VDAC2: variants seen among roughly 807,000 people sequenced by gnomAD.
The protein encoded by VDAC2 is voltage dependent anion channel 2.
VDAC2 carries 6 observed loss-of-function variants against 36.6 expected under a neutral mutation model. The ratio of observed to expected loss-of-function variants is 0.16; its 90% CI spans 0.09 to 0.32. The LOEUF (loss-of-function observed/expected upper bound fraction) is 0.32. Ranked by LOEUF, VDAC2 falls within the 10% of genes least tolerant of loss-of-function variation. The pLI is 1.00. For missense variants in VDAC2, 247 were observed against 346.0 expected (o/e 0.71, Z 2.27); for synonymous variants, 109 against 123.8 (o/e 0.88, Z 0.79).
At chr10:75,212,375 A>G (rs966512866) in intron 3 of VDAC2, 77 bp downstream of exon 3, 94 of 1,235,220 alleles carry the variant, frequency 7.6e-5, no homozygotes, top group Admixed American at 2.9e-4. Context: ...AATCAGATCA[A>G]TCATTGCAAA....
In VDAC2 at chr10:75,230,944, T is replaced by C; in HGVS notation, c.840T>C (p.Asn280=). ...CTCTGGTAGATGGGAAGAGCATTAA[T>C]GCTGGAGGCCACAAGGTTGGGCTCG... ...LSALVDGKSI[N]AGGHKVGLAL... Residue 280 remains asparagine (N), a synonymous_variant, in exon 10 of 10, where the codon AAT becomes AAC. Coordinates refer to ENST00000332211, the MANE Select transcript of VDAC2 (RefSeq NM_001391963.1). 14 of 1,613,496 alleles carry C rather than the reference T, an allele frequency of 8.7e-6. No individual in the cohort carries two copies. Among genetic ancestry groups the C allele is most frequent in the Non-Finnish European group, 9.3e-6 (11 of 1,179,806 alleles).
intron 8 of VDAC2, among the ~76,000 whole-genome samples, chr10:75,228,496 C>T (rs566317357): frequency 1.3e-5 from 2 of 151,866 alleles, no homozygotes; most frequent in Non-Finnish European, 2.9e-5. Context: ...CTCAAGTGGT[C>T]CTCCCGCCTT....
chr10:75,228,485 G>T (rs1842021825), intron 8 of VDAC2, among the ~76,000 whole-genome samples: 1 of 151,722 alleles, frequency 6.6e-6, no homozygotes, highest in Non-Finnish European at 1.5e-5. Flanking sequence ...GAATTCCTGG[G>T]CTCAAGTGGT....
At chr10:75,211,112 G>T in intron 1 of VDAC2, 22 bp from the exon 2 acceptor site, 2 of 1,596,018 alleles carry the variant, frequency 1.3e-6, no homozygotes, top group Non-Finnish European at 1.7e-6. Context: ...CCAGCTTACC[G>T]CACTTCTTGT....
At chr10:75,218,727 AC>A (rs1841690088) in intron 4 of VDAC2, among the ~76,000 whole-genome samples, 1 of 151,402 alleles carries the variant, frequency 6.6e-6, no homozygotes, top group African/African-American at 2.4e-5. Context: ...ACGCCACTGC[AC>A]TCCAGCCTGG....
chr10:75,217,646 G>A (rs1841647745), intron 4 of VDAC2, among the ~76,000 whole-genome samples: 1 of 152,110 alleles, frequency 6.6e-6, no homozygotes, highest in Non-Finnish European at 1.5e-5. Flanking sequence ...CTGAAGTGCT[G>A]GGATTACAGG....
chr10:75,217,073 T>C (rs1012938987), intron 4 of VDAC2, among the ~76,000 whole-genome samples: 16 of 151,910 alleles, frequency 1.1e-4, no homozygotes, highest in African/African-American at 3.1e-4. Flanking sequence ...CTGGGCAACA[T>C]AGTGAGACCC....
In VDAC2 at chr10:75,214,204, C is replaced by T. The variant is rs16932126; in HGVS notation, c.150+134C>T. The T allele has an allele frequency of 5.8e-3, 5,024 of 867,256 alleles. 185 individuals carry two copies. The African/African-American group carries it at 0.076, about 13-fold the overall frequency. The allele number at this position is 867,256 out of a possible 1,614,324, so 53.7% of individuals were successfully genotyped here. On this transcript the variant is annotated intron_variant, in intron 4 of 9. Coordinates refer to ENST00000332211, the MANE Select transcript of VDAC2 (RefSeq NM_001391963.1). ...AGTTAACTTTGTTTTAAGAGATTTG[C>T]GTGTAACCTGATTTATTTTGGCCTT...
At chr10:75,217,608 C>T (rs1841646517) in intron 4 of VDAC2, among the ~76,000 whole-genome samples, 3 of 152,118 alleles carry the variant, frequency 2.0e-5, no homozygotes, top group South Asian at 4.1e-4. Context: ...AAACTCCCTA[C>T]CTCAAGTGAT....
chr10:75,229,237 A>G (rs1045667688), intron 8 of VDAC2: 9 of 153,622 alleles, frequency 5.9e-5, no homozygotes, highest in African/African-American at 2.2e-4. Flanking sequence ...TGTGTAACTA[A>G]GTCATGAATT....
intron 8 of VDAC2, among the ~76,000 whole-genome samples, chr10:75,226,598 G>T (rs1841960585): frequency 1.3e-5 from 2 of 151,766 alleles, no homozygotes; most frequent in Non-Finnish European, 2.9e-5. Context: ...TAGTAGCTGG[G>T]TTTGGAGGTG....
chr10:75,211,314 C>G, intron 2 of VDAC2, 125 bp downstream of exon 2: 4 of 1,445,310 alleles, frequency 2.8e-6, no homozygotes, highest in Non-Finnish European at 3.7e-6. Context: ...TGGTGGTCGC[C>G]CCACCGTCTG....
In VDAC2 at chr10:75,214,598, C is replaced by A. The variant is rs146867661; in HGVS notation, c.150+528C>A. 9.2e-3 allele frequency among the ~76,000 whole-genome samples: 1,395 copies of A among 152,020 alleles called. 30 individuals are homozygous for A. The highest frequency in any genetic ancestry group is 0.032 in the African/African-American group (1,324 of 41,430). On this transcript the variant is annotated intron_variant, in intron 4 of 9. Transcript: ENST00000332211. ...GGAGTGCAATGGTGTGATTGTGGCT[C>A]ACTGCAACCTCCGCCTCCTGAGTTC...
intron 6 of VDAC2, 151 bp downstream of exon 6, chr10:75,219,507 G>T: frequency 1.4e-6 from 1 of 694,294 alleles, no homozygotes; most frequent in Non-Finnish European, 2.3e-6. Context: ...ATTTGAGATG[G>T]AGTCTTTGCT....
intron 8 of VDAC2, among the ~76,000 whole-genome samples, chr10:75,227,934 G>A (rs895678947): frequency 6.9e-6 from 1 of 145,246 alleles, no homozygotes; most frequent in African/African-American, 2.6e-5. Flanking sequence ...TCGCTCAGTA[G>A]CCCAGGCTGG....
At chr10:75,215,365 T>G (rs1841569639) in intron 4 of VDAC2, among the ~76,000 whole-genome samples, 1 of 152,008 alleles carries the variant, frequency 6.6e-6, no homozygotes, top group Non-Finnish European at 1.5e-5. Flanking sequence ...ACTTTTTTTT[T>G]TTTTGAGACG....
In VDAC2 at chr10:75,211,172, G is replaced by A; in HGVS notation, c.14G>A (p.Gly5Glu). MATHGQTCARPMCIP... is the reference protein window; with the variant it reads MATHEQTCARPMCIP... ...CGCGGCCTCGCCATGGCGACCCACG[G>A]ACAGACTTGCGCGCGTCGTAAGTAA... Residue 5 changes from glycine (G) to glutamate (E), a missense_variant, in exon 2 of 10, where the codon GGA (glycine) becomes GAA (glutamate). Gly to Glu is a moderately conservative substitution (Grantham distance 98). Coordinates refer to ENST00000332211, the MANE Select transcript of VDAC2 (RefSeq NM_001391963.1). The A allele has an allele frequency of 1.2e-6, 2 of 1,613,234 alleles. No homozygotes were observed. Among genetic ancestry groups the A allele is most frequent in the Non-Finnish European group, 1.7e-6 (2 of 1,179,680 alleles).
At chr10:75,215,248 A>G (rs570610092) in intron 4 of VDAC2, among the ~76,000 whole-genome samples, 6 of 152,110 alleles carry the variant, frequency 3.9e-5, no homozygotes, top group Non-Finnish European at 8.8e-5. Flanking sequence ...TTTTTTACTT[A>G]AAAAATTTTT....
At chr10:75,218,964 C>G (rs1310784471) in intron 4 of VDAC2, 99 bp from the exon 5 acceptor site, 9 of 1,274,644 alleles carry the variant, frequency 7.1e-6, no homozygotes, top group Non-Finnish European at 9.7e-6. Flanking sequence ...CATGAATTTA[C>G]CAAATGTTTC....
Sources: allele counts gnomAD v4.1 joint callset (sites outside exome capture counted in the v4.1 genomes callset), GRCh38; gene constraint gnomAD v4.1.1; transcripts MANE v1.5; gene names NCBI Gene and HGNC (gene_info 2026-07-23, HGNC 2026-07-21).